PLD5: variants seen among roughly 807,000 people sequenced by gnomAD.
The protein encoded by PLD5 is phospholipase D family member 5.
In PLD5, 36 loss-of-function variants were observed where a neutral mutation model predicts 61.1. The ratio of observed to expected loss-of-function variants is 0.59; its 90% CI spans 0.45 to 0.78. The LOEUF is 0.78. Among genes scored for constraint, PLD5 ranks in the 30% least tolerant of loss-of-function variants. The pLI, the probability that PLD5 is intolerant of heterozygous loss-of-function variation, is 0.00. For synonymous variants in PLD5, 243 were observed against 242.8 expected (o/e 1.00, Z -0.01); for missense variants, 515 against 644.4 (o/e 0.80, Z 2.17).
intron 5 of PLD5, among the ~76,000 whole-genome samples, chr1:242,138,560 G>T (rs1663923004): frequency 6.6e-6 from 1 of 152,114 alleles, no homozygotes; most frequent in Admixed American, 6.5e-5. Flanking sequence ...TATAGTAATT[G>T]CAAGAGATTT....
At chr1:242,423,494 G>A (rs1374647283) in intron 1 of PLD5, among the ~76,000 whole-genome samples, 5 of 152,058 alleles carry the variant, frequency 3.3e-5, no homozygotes, top group South Asian at 4.1e-4. Context: ...GTAACCCTGC[G>A]TAAATCATTT....
intron 5 of PLD5, among the ~76,000 whole-genome samples, chr1:242,171,407 C>A (rs1053747368): frequency 3.3e-5 from 5 of 152,024 alleles, no homozygotes; most frequent in Non-Finnish European, 7.4e-5. Context: ...GAAAGGAACA[C>A]CTGGTACTAG....
rs142643201 is a variant in PLD5 at position 242,154,133 on chromosome 1, G to A, written c.736-29468C>T. Among the ~76,000 whole-genome samples the A allele has an allele frequency of 8.2e-3, 1,254 of 152,222 alleles. 24 individuals are homozygous for A. The highest frequency in any genetic ancestry group is 0.028 in the African/African-American group (1,160 of 41,542). On this transcript the variant is annotated intron_variant, in intron 5 of 9. Coordinates refer to ENST00000536534, the MANE Select transcript of PLD5 (RefSeq NM_001372062.1). ...CAATTGTGAATGGGAGTTCACTCAT[G>A]ATTTGGCTGTTTGTCTGTTATTGGT... is the stretch of plus-strand genomic sequence containing the variant.
intron 5 of PLD5, among the ~76,000 whole-genome samples, chr1:242,195,081 T>C (rs1668553988): frequency 6.6e-6 from 1 of 152,224 alleles, no homozygotes; most frequent in African/African-American, 2.4e-5. Context: ...ATCTGTGTTC[T>C]AGAACTTGGA....
chr1:242,086,220 A>G lies in PLD5; in HGVS notation c.*3634T>C, dbSNP rs981911626. The G allele has an allele frequency of 6.6e-6, 1 of 152,204 alleles. No individual in the cohort carries two copies. Among genetic ancestry groups the G allele is most frequent in the African/African-American group, 2.4e-5 (1 of 41,444 alleles). 9.4% of individuals were successfully genotyped at this position (152,204 alleles called of 1,614,324 possible). On this transcript the variant is annotated 3_prime_UTR_variant, in exon 10 of 10. Transcript: ENST00000536534. ...CAAACAGTAGCACAGAGAGGGCCCG[A>G]ATGGTGCCCAGAGTTACACAGGTGC... is the stretch of plus-strand genomic sequence containing the variant.
At chr1:242,426,405 A>T (rs1019368713) in intron 1 of PLD5, among the ~76,000 whole-genome samples, 4 of 151,846 alleles carry the variant, frequency 2.6e-5, no homozygotes, top group African/African-American at 9.7e-5. Flanking sequence ...CAACATCACC[A>T]TTTCCTGTCA....
At chr1:242,372,661 T>G (rs958654218) in intron 1 of PLD5, among the ~76,000 whole-genome samples, 2 of 152,158 alleles carry the variant, frequency 1.3e-5, no homozygotes, top group Non-Finnish European at 2.9e-5. Context: ...CATCTGATCT[T>G]TGACAAACCT....
chr1:242,521,264 C>T (rs886402540), intron 1 of PLD5, among the ~76,000 whole-genome samples: 1 of 152,168 alleles, frequency 6.6e-6, no homozygotes, highest in African/African-American at 2.4e-5. Flanking sequence ...GATTCCAATC[C>T]TCAACTAATT....
intron 1 of PLD5, among the ~76,000 whole-genome samples, chr1:242,467,647 C>T (rs1418068965): frequency 6.6e-6 from 1 of 152,154 alleles, no homozygotes; most frequent in Non-Finnish European, 1.5e-5. Flanking sequence ...CTTGACCTCT[C>T]AACACTGTGC....
intron 2 of PLD5, among the ~76,000 whole-genome samples, chr1:242,312,981 C>T (rs1413211150): frequency 1.3e-5 from 2 of 152,206 alleles, no homozygotes; most frequent in African/African-American, 4.8e-5. Flanking sequence ...CCTAGTCTGC[C>T]ATCTTCCTGA....
chr1:242,382,265 G>A (rs1662341335), intron 1 of PLD5, among the ~76,000 whole-genome samples: 2 of 152,136 alleles, frequency 1.3e-5, no homozygotes, highest in African/African-American at 4.8e-5. Context: ...AGTAGGTGAA[G>A]ATTGACATCA....
intron 6 of PLD5, among the ~76,000 whole-genome samples, chr1:242,118,736 T>C (rs780650750): frequency 1.3e-5 from 2 of 152,186 alleles, no homozygotes; most frequent in Non-Finnish European, 2.9e-5. Flanking sequence ...TCCAGCTCCA[T>C]GTGTTTATGA....
upstream of PLD5, among the ~76,000 whole-genome samples, chr1:242,526,291 C>T (rs957455785): frequency 6.6e-6 from 1 of 152,020 alleles, no homozygotes; most frequent in Admixed American, 6.6e-5. Context: ...GAGGCTGAGG[C>T]GGGAGGATCG....
intron 4 of PLD5, 151 bp from the exon 5 acceptor site, chr1:242,220,266 G>A (rs751513380): frequency 5.4e-5 from 51 of 946,388 alleles, no homozygotes; most frequent in Middle Eastern, 3.5e-4. Flanking sequence ...TGGAGAGAAG[G>A]TCCCCAAGGT....
At chr1:242,422,545 C>G (rs1218811215) in intron 1 of PLD5, among the ~76,000 whole-genome samples, 1 of 152,172 alleles carries the variant, frequency 6.6e-6, no homozygotes, top group Non-Finnish European at 1.5e-5. Flanking sequence ...TAATACTTTG[C>G]TAGGTAATCA....
At chr1:242,098,971 T>TG (rs774428931) in intron 9 of PLD5, among the ~76,000 whole-genome samples, 1 of 152,126 alleles carries the variant, frequency 6.6e-6, no homozygotes, top group Non-Finnish European at 1.5e-5. Flanking sequence ...CTGCCCCTAC[T>TG]GGGGGGTGCC....
At chr1:242,506,696 C>T (rs867569377) in intron 1 of PLD5, among the ~76,000 whole-genome samples, 1 of 152,132 alleles carries the variant, frequency 6.6e-6, no homozygotes, top group Non-Finnish European at 1.5e-5. Flanking sequence ...AGCTCATCTC[C>T]ACAGAAAAAC....
intron 1 of PLD5, among the ~76,000 whole-genome samples, chr1:242,433,927 G>A (rs1665857133): frequency 6.6e-6 from 1 of 152,214 alleles, no homozygotes; most frequent in African/African-American, 2.4e-5. Flanking sequence ...AAGTAAGGGA[G>A]ACTGACAGAA....
intron 5 of PLD5, among the ~76,000 whole-genome samples, chr1:242,158,755 T>A (rs990989258): frequency 2.6e-5 from 4 of 152,194 alleles, no homozygotes; most frequent in African/African-American, 7.2e-5. Flanking sequence ...CAGCTGTTCC[T>A]ATTCAGCCGT....
Sources: allele counts gnomAD v4.1 joint callset (sites outside exome capture counted in the v4.1 genomes callset), GRCh38; gene constraint gnomAD v4.1.1; transcripts MANE v1.5; gene names NCBI Gene and HGNC (gene_info 2026-07-23, HGNC 2026-07-21).